Variants in DHX35 observed in about 807,000 individuals in gnomAD.
DHX35 encodes probable ATP-dependent RNA helicase DHX35.
DHX35 carries 84 observed loss-of-function variants against 99.6 expected under a neutral mutation model. The observed-to-expected ratio is 0.84, with a 90% CI of 0.71 to 1.01. The LOEUF (loss-of-function observed/expected upper bound fraction) is 1.01. Ranked by LOEUF, DHX35 falls within the 50% of genes least tolerant of loss-of-function variation. The pLI is 0.00. For synonymous variants in DHX35, 331 were observed against 316.2 expected (o/e 1.05, Z -0.50); for missense variants, 852 against 888.5 (o/e 0.96, Z 0.52).
intron 3 of DHX35, among the ~76,000 whole-genome samples, chr20:38,976,022 G>A (rs868245257): frequency 2.6e-5 from 4 of 152,324 alleles, no homozygotes; most frequent in South Asian, 2.1e-4. Context: ...AGCTGCCAGG[G>A]AACAGAGAGG....
intron 20 of DHX35, among the ~76,000 whole-genome samples, chr20:39,033,236 T>TA (rs796076057): frequency 2.0e-5 from 3 of 152,236 alleles, no homozygotes; most frequent in East Asian, 1.9e-4. Context: ...ACCCTGCCTT[T>TA]AAAAAATTTT....
At chr20:39,009,560 G>T (rs1045135541) in intron 12 of DHX35, among the ~76,000 whole-genome samples, 1 of 151,966 alleles carries the variant, frequency 6.6e-6, no homozygotes, top group Admixed American at 6.6e-5. Context: ...TAATCCTTAA[G>T]CTTTCTGAAT....
At chr20:38,979,866 A>C (rs957397449) in intron 3 of DHX35, among the ~76,000 whole-genome samples, 1 of 149,550 alleles carries the variant, frequency 6.7e-6, no homozygotes. Context: ...AAAAAAAAAA[A>C]CAAAAATAAG....
At position 39,003,884 on chromosome 20, in the gene DHX35, A is replaced by G. The variant is rs374356371; in HGVS notation, c.988A>G (p.Arg330Gly). 8 of 1,614,056 alleles carry G rather than the reference A, an allele frequency of 5.0e-6. No homozygotes were observed. Among genetic ancestry groups the G allele is most frequent in the African/African-American group, 2.7e-5 (2 of 74,926 alleles). ...PSFEQMKVFE[R>G]VSRSVRKVIV... Reference sequence around the variant, plus strand: ...CTTTGAGCAAATGAAAGTGTTTGAAAGGGTGTCACGCAGTGTCAGAAAGGT... The same window carrying G: ...CTTTGAGCAAATGAAAGTGTTTGAAGGGGTGTCACGCAGTGTCAGAAAGGT... The change falls in exon 11 of 22, where the codon AGG (arginine) becomes GGG (glycine). Residue 330 changes from arginine to glycine, a missense_variant. Physicochemically the swap from Arg to Gly is moderately radical, Grantham distance 125. Transcript: ENST00000252011.
intron 1 of DHX35, among the ~76,000 whole-genome samples, chr20:38,963,981 C>T (rs2085873254): frequency 6.6e-6 from 1 of 152,176 alleles, no homozygotes; most frequent in South Asian, 2.1e-4. Flanking sequence ...GTCTCAGTTA[C>T]TCCATCTGTA....
At chr20:39,018,025 G>T (rs972815950) in intron 14 of DHX35, among the ~76,000 whole-genome samples, 29 of 152,208 alleles carry the variant, frequency 1.9e-4, no homozygotes, top group African/African-American at 7.0e-4. Context: ...AAGAGAACTT[G>T]TGCAGGGGAA....
chr20:39,030,739 C>T lies in DHX35; in HGVS notation c.1919C>T (p.Pro640Leu), dbSNP rs150188868. 2 of 1,614,208 alleles carry T rather than the reference C, an allele frequency of 1.2e-6. No homozygotes were observed. Among genetic ancestry groups the T allele is most frequent in the African/African-American group, 1.3e-5 (1 of 75,070 alleles). Residue 640 changes from proline to leucine, a missense_variant, in exon 20 of 22, where the codon CCT (proline) becomes CTT (leucine). By Grantham distance (98) the Pro-to-Leu change is moderately conservative (BLOSUM62 -3). Transcript: ENST00000252011. ...IRDDHELHIH[P>L]ASVLYAEKPP... ...GATGACCATGAGCTGCACATACACC[C>T]TGCGTCAGTCCTCTATGCAGAGAAG... is the stretch of plus-strand genomic sequence containing the variant.
intron 4 of DHX35, among the ~76,000 whole-genome samples, chr20:38,987,917 G>GT (rs2086274723): frequency 6.6e-6 from 1 of 152,116 alleles, no homozygotes; most frequent in African/African-American, 2.4e-5. Context: ...ACTGTTTCAG[G>GT]TATCTCATTC....
At chr20:39,027,171 G>T (rs907138306) in intron 18 of DHX35, among the ~76,000 whole-genome samples, 3 of 152,144 alleles carry the variant, frequency 2.0e-5, no homozygotes, top group Non-Finnish European at 4.4e-5. Context: ...TGGACAATAG[G>T]AGAGAAGAGA....
At chr20:38,970,238 T>C (rs1233975756) in intron 2 of DHX35, among the ~76,000 whole-genome samples, 1 of 152,224 alleles carries the variant, frequency 6.6e-6, no homozygotes, top group African/African-American at 2.4e-5. Flanking sequence ...CTTATACTCA[T>C]GGAGTTCTTT....
intron 13 of DHX35, among the ~76,000 whole-genome samples, chr20:39,014,297 A>G (rs1481458832): frequency 6.6e-5 from 10 of 152,246 alleles, no homozygotes; most frequent in Admixed American, 5.2e-4. Flanking sequence ...GATCTGGAAA[A>G]TCAGACTGAG....
chr20:38,973,067 A>G lies in DHX35; in HGVS notation c.267+416A>G, dbSNP rs377481118. 1.6e-4 allele frequency among the ~76,000 whole-genome samples: 25 copies of G among 152,324 alleles called. 1 individual carries two copies. Among genetic ancestry groups the G allele is most frequent in the African/African-American group, 6.0e-4 (25 of 41,566 alleles). The stretch of plus-strand genomic sequence containing the variant: ...TTCTTACTAGGAAAAATCCTATGTG[A>G]TGTGGATAGGAGTAGAAAGAAGGAT... On this transcript the variant is annotated intron_variant, in intron 3 of 21. Coordinates refer to ENST00000252011, the MANE Select transcript of DHX35 (RefSeq NM_021931.4).
At chr20:39,020,631 C>T (rs1452723131) in intron 15 of DHX35, among the ~76,000 whole-genome samples, 1 of 147,458 alleles carries the variant, frequency 6.8e-6, no homozygotes, top group Non-Finnish European at 1.5e-5. Flanking sequence ...CACTTGTTCT[C>T]AGCCTTCCAT....
chr20:39,037,544 T>G (rs2087175069), intron 21 of DHX35, among the ~76,000 whole-genome samples: 1 of 152,156 alleles, frequency 6.6e-6, no homozygotes. Flanking sequence ...TGCAGTTCTC[T>G]CTGGGGGCGA....
At chr20:39,004,503 T>C (rs986448259) in intron 11 of DHX35, among the ~76,000 whole-genome samples, 3 of 152,334 alleles carry the variant, frequency 2.0e-5, no homozygotes, top group Admixed American at 6.5e-5. Flanking sequence ...AGGGATTGTT[T>C]AGGGGGATTG....
At position 38,968,753 on chromosome 20, in the gene DHX35, T is replaced by G. The variant is rs550351053; in HGVS notation, c.41-328T>G. ...TTTTAGTACAGGTGGGGTTTCACCT[T>G]GTTGCCCAGACTGGTCTCTAACCCC... On this transcript the variant is annotated intron_variant, in intron 1 of 21. Coordinates refer to ENST00000252011, the MANE Select transcript of DHX35 (RefSeq NM_021931.4). Among the ~76,000 whole-genome samples, 9 of 152,264 alleles carry G rather than the reference T, an allele frequency of 5.9e-5. No homozygotes were observed. In the East Asian group the frequency reaches 1.4e-3, roughly 23 times the overall value.
chr20:39,031,312 T>C lies in DHX35; in HGVS notation c.1955+537T>C, dbSNP rs1172273980. ...TGAGGCACAGCTATGCAGAGATGAA[T>C]TGGGATCCCAGCTCACGGTTCTTTT... On this transcript the variant is annotated intron_variant, in intron 20 of 21. Coordinates refer to ENST00000252011, the MANE Select transcript of DHX35 (RefSeq NM_021931.4). Among the ~76,000 whole-genome samples, 3 of 151,778 alleles carry C rather than the reference T, an allele frequency of 2.0e-5. No individual in the cohort carries two copies. The East Asian group carries it at 5.8e-4, about 29-fold the overall frequency.
chr20:38,976,665 C>T (rs192297939), intron 3 of DHX35, among the ~76,000 whole-genome samples: 331 of 152,270 alleles, frequency 2.2e-3, no homozygotes, highest in African/African-American at 7.6e-3. Context: ...TATAGTCACT[C>T]TGCTGTGCAG....
intron 15 of DHX35, among the ~76,000 whole-genome samples, chr20:39,019,218 C>G (rs2086835654): frequency 6.6e-6 from 1 of 152,168 alleles, no homozygotes; most frequent in Non-Finnish European, 1.5e-5. Flanking sequence ...TACTTTCTGT[C>G]TCTATGAATT....
Sources: allele counts gnomAD v4.1 joint callset (sites outside exome capture counted in the v4.1 genomes callset), GRCh38; gene constraint gnomAD v4.1.1; transcripts MANE v1.5; gene names NCBI Gene and HGNC (gene_info 2026-07-23, HGNC 2026-07-21).